The following NTM variants were observed in gnomAD, a reference collection of about 807,000 sequenced individuals.
NTM encodes the protein neurotrimin.
A neutral mutation model predicts 42.1 loss-of-function variants in NTM; 13 were observed. The ratio of observed to expected loss-of-function variants is 0.31; its 90% CI spans 0.20 to 0.49. NTM has a LOEUF of 0.49. Ranked by LOEUF, NTM falls within the 20% of genes least tolerant of loss-of-function variation. NTM has a pLI of 0.99. For missense variants in NTM, 373 were observed against 452.8 expected, an observed-to-expected ratio of 0.82 and a Z score of 1.60; for synonymous variants, 187 against 179.2, an observed-to-expected ratio of 1.04 and a Z score of -0.35.
At chr11:131,828,147 C>T (rs2042355172) in intron 1 of NTM, among the ~76,000 whole-genome samples, 1 of 152,052 alleles carries the variant, frequency 6.6e-6, no homozygotes, top group African/African-American at 2.4e-5. Context: ...AAACAACTAC[C>T]TCTCAATAAC....
At chr11:131,571,799 T>G (rs2057464159) in intron 1 of NTM, among the ~76,000 whole-genome samples, 1 of 152,230 alleles carries the variant, frequency 6.6e-6, no homozygotes, top group African/African-American at 2.4e-5. Context: ...ATTAAGGCAA[T>G]ACAGGACTTG....
At chr11:132,312,259 G>A (rs921741224) in intron 6 of NTM, 2 of 152,206 alleles carry the variant, frequency 1.3e-5, no homozygotes, top group Non-Finnish European at 2.9e-5. Context: ...GAGATGAGCA[G>A]ACTACCAAGG....
At chr11:131,512,851 C>T (rs1036279233) in intron 1 of NTM, among the ~76,000 whole-genome samples, 5 of 151,860 alleles carry the variant, frequency 3.3e-5, no homozygotes, top group African/African-American at 1.2e-4. Context: ...CAGCCCCATG[C>T]CCCCCACCCT....
intron 4 of NTM, among the ~76,000 whole-genome samples, chr11:132,256,173 G>A (rs1162474441): frequency 2.6e-5 from 4 of 152,122 alleles, no homozygotes; most frequent in Non-Finnish European, 4.4e-5. Context: ...ACACACAATG[G>A]TTCTAACACC....
intron 1 of NTM, among the ~76,000 whole-genome samples, chr11:131,737,267 G>T (rs1412476751): frequency 6.6e-6 from 1 of 152,154 alleles, no homozygotes; most frequent in African/African-American, 2.4e-5. Context: ...TGGCTGGAAT[G>T]ATTCCAAGTG....
At chr11:132,126,886 G>A (rs2065929172) in intron 2 of NTM, among the ~76,000 whole-genome samples, 1 of 152,186 alleles carries the variant, frequency 6.6e-6, no homozygotes, top group African/African-American at 2.4e-5. Flanking sequence ...TTTACAGGGT[G>A]AGTTGGAAAT....
chr11:131,826,191 A>T (rs1215593636), intron 1 of NTM, among the ~76,000 whole-genome samples: 1 of 152,166 alleles, frequency 6.6e-6, no homozygotes, highest in Non-Finnish European at 1.5e-5. Flanking sequence ...AAGGGGCATG[A>T]TCACAATTTA....
intron 1 of NTM, among the ~76,000 whole-genome samples, chr11:131,789,971 A>T (rs1304517633): frequency 6.6e-6 from 1 of 150,420 alleles, no homozygotes; most frequent in Admixed American, 6.6e-5. Context: ...AAAAAAAAAA[A>T]AAAAAAAAAA....
chr11:131,856,503 G>A lies in NTM; in HGVS notation c.83-55061G>A, dbSNP rs1386179935. Among the ~76,000 whole-genome samples, 5 of 152,082 alleles carry A rather than the reference G, an allele frequency of 3.3e-5. 1 individual carries two copies. The highest frequency in any genetic ancestry group is 4.1e-4 in the South Asian group (2 of 4,830). On this transcript the variant is annotated intron_variant, in intron 1 of 8. Transcript: ENST00000683400. ...ATACATATCTGTCCTCAAAGCCACT[G>A]ACCAGCATTCATTCACAACTGAATA...
At chr11:131,484,970 A>G (rs552825187) in intron 1 of NTM, among the ~76,000 whole-genome samples, 26 of 152,232 alleles carry the variant, frequency 1.7e-4, no homozygotes, top group Non-Finnish European at 3.4e-4. Flanking sequence ...CCAAGATTTT[A>G]TACTTGAAAA....
chr11:132,012,459 A>T (rs1414146005), intron 2 of NTM, among the ~76,000 whole-genome samples: 1 of 152,170 alleles, frequency 6.6e-6, no homozygotes, highest in Non-Finnish European at 1.5e-5. Flanking sequence ...TGAAATAATG[A>T]GGTTATCGCC....
At chr11:131,879,538 C>T (rs575761396) in intron 1 of NTM, among the ~76,000 whole-genome samples, 4 of 152,146 alleles carry the variant, frequency 2.6e-5, no homozygotes, top group South Asian at 4.1e-4. Flanking sequence ...AAAGCAAAAT[C>T]GAGGGTTTCA....
At chr11:131,507,698 G>A (rs1221419424) in intron 1 of NTM, among the ~76,000 whole-genome samples, 5 of 148,034 alleles carry the variant, frequency 3.4e-5, no homozygotes, top group African/African-American at 5.0e-5. Flanking sequence ...AGCATGGAAT[G>A]TTCTTCCATT....
chr11:131,897,533 A>C (rs1322094624), intron 1 of NTM, among the ~76,000 whole-genome samples: 1 of 152,236 alleles, frequency 6.6e-6, no homozygotes, highest in Non-Finnish European at 1.5e-5. Context: ...TGTGTTAGAC[A>C]CCCAGTGCCT....
chr11:131,492,772 G>T (rs533770739), intron 1 of NTM, among the ~76,000 whole-genome samples: 1 of 152,350 alleles, frequency 6.6e-6, no homozygotes, highest in South Asian at 2.1e-4. Flanking sequence ...ACCATGATGT[G>T]AACGTTAATT....
At chr11:131,748,344 G>T (rs1213527609) in intron 1 of NTM, among the ~76,000 whole-genome samples, 2 of 152,206 alleles carry the variant, frequency 1.3e-5, no homozygotes, top group African/African-American at 2.4e-5. Context: ...GATAATTCTG[G>T]ATTCTCACCG....
At chr11:132,246,202 C>A (rs1414169709) in intron 4 of NTM, among the ~76,000 whole-genome samples, 3 of 152,214 alleles carry the variant, frequency 2.0e-5, no homozygotes, top group African/African-American at 7.2e-5. Context: ...GGCAAAGGGG[C>A]CTTTGCCGCA....
intron 1 of NTM, among the ~76,000 whole-genome samples, chr11:131,442,816 T>C (rs1949729067): frequency 6.6e-6 from 1 of 151,964 alleles, no homozygotes; most frequent in Non-Finnish European, 1.5e-5. Flanking sequence ...TATATGTGTG[T>C]GTATATATAT....
intron 1 of NTM, among the ~76,000 whole-genome samples, chr11:131,498,094 A>G (rs1369696762): frequency 6.7e-6 from 1 of 149,816 alleles, no homozygotes; most frequent in Admixed American, 6.6e-5. Context: ...TGCGAGATGT[A>G]CCCTTCTACA....
Sources: gnomAD v4.1 joint callset for allele counts (sites outside exome capture counted in the v4.1 genomes callset) on GRCh38, gnomAD v4.1.1 for gene constraint, MANE v1.5 for transcripts, NCBI Gene and HGNC (gene_info 2026-07-23, HGNC 2026-07-21) for gene names.